Variants in S1PR4 observed in about 807,000 individuals in gnomAD.
The protein encoded by S1PR4 is sphingosine-1-phosphate receptor 4.
In S1PR4, 1 loss-of-function variant was observed where a neutral mutation model predicts 0.4. The ratio of observed to expected loss-of-function variants is 2.48; its 90% CI spans 0.88 to 11.76. The LOEUF (loss-of-function observed/expected upper bound fraction) is 11.76, where lower values mean the gene tolerates loss of function less well. Among genes scored for constraint, S1PR4 ranks in the 30% most tolerant of loss-of-function variants. S1PR4 has a pLI of 0.12. For synonymous variants in S1PR4, 296 were observed against 266.7 expected (o/e 1.11, Z -1.07); for missense variants, 595 against 557.8 (o/e 1.07, Z -0.67).
chr19:3,179,271 GC>G lies in S1PR4; in HGVS notation c.481del (p.Arg161AlafsTer50). 1 of 1,603,738 alleles carries G rather than the reference GC, an allele frequency of 6.2e-7. No homozygotes were observed. The highest frequency in any genetic ancestry group is 1.1e-5 in the South Asian group (1 of 89,738). On this transcript the variant is annotated frameshift_variant, in exon 1 of 1. Transcript: ENST00000246115. LOFTEE classifies it low-confidence loss of function (END_TRUNC). ...PVAESGATKTSRVYGFIGLCW... is the reference protein window; with the variant it reads ...PVAESGATKTXRVYGFIGLCW... The stretch of plus-strand genomic sequence containing the variant: ...GCCGAGAGCGGGGCCACCAAGACCA[GC>G]CGCGTCTACGGCTTCATCGGCCTCT...
Position 3,179,316 on chromosome 19 carries a change from T to G in S1PR4, c.524T>G (p.Leu175Arg). The G allele has an allele frequency of 6.2e-7, 1 of 1,612,008 alleles. No individual in the cohort carries two copies. Among genetic ancestry groups the G allele is most frequent in the Non-Finnish European group, 8.5e-7 (1 of 1,179,400 alleles). ...GGCCTCTGCTGGCTGCTGGCCGCGCTGCTGGGGATGCTGCCTTTGCTGGGC... is the reference window on the plus strand; with the variant it reads ...GGCCTCTGCTGGCTGCTGGCCGCGCGGCTGGGGATGCTGCCTTTGCTGGGC... ...FIGLCWLLAA[L>R]LGMLPLLGWN... Residue 175 changes from leucine to arginine, a missense_variant, in exon 1 of 1, where the codon CTG becomes CGG. Physicochemically the swap from Leu to Arg is moderately radical, Grantham distance 102. Coordinates refer to ENST00000246115, the MANE Select transcript of S1PR4 (RefSeq NM_003775.4).
chr19:3,179,244 T>C lies in S1PR4; in HGVS notation c.452T>C (p.Val151Ala). The C allele has an allele frequency of 1.9e-6, 3 of 1,598,598 alleles. No homozygotes were observed. Among genetic ancestry groups the C allele is most frequent in the Non-Finnish European group, 2.6e-6 (3 of 1,172,118 alleles). Residue 151 changes from valine to alanine, a missense_variant, in exon 1 of 1, where the codon GTG becomes GCG. By Grantham distance (64) the Val-to-Ala change is moderately conservative. Coordinates refer to ENST00000246115, the MANE Select transcript of S1PR4 (RefSeq NM_003775.4). ...GERFATMVRP[V>A]AESGATKTSR... ...CGCTTTGCCACCATGGTGCGGCCGG[T>C]GGCCGAGAGCGGGGCCACCAAGACC...
chr19:3,179,032 G>A lies in S1PR4; in HGVS notation c.240G>A (p.Trp80Ter). The part of the protein sequence containing the change: ...AITSHMRSRR[W>*]VYYCLVNITL... ...CCAGCCACATGCGGTCGCGACGCTGGGTCTACTATTGCCTGGTGAACATCA... is the reference window on the plus strand; with the variant it reads ...CCAGCCACATGCGGTCGCGACGCTGAGTCTACTATTGCCTGGTGAACATCA... The change falls in exon 1 of 1, where the codon TGG (tryptophan) becomes TGA (stop). Residue 80 changes from tryptophan (W) to a stop codon, truncating the protein, a stop_gained. Transcript: ENST00000246115. LOFTEE classifies it low-confidence loss of function (END_TRUNC). 6.2e-7 allele frequency: 1 copy of A among 1,605,244 alleles called. No homozygotes were observed. Among genetic ancestry groups the A allele is most frequent in the South Asian group, 1.1e-5 (1 of 90,784 alleles).
In S1PR4 at chr19:3,180,066, G is replaced by A. The variant is rs1376749845; in HGVS notation, c.*119G>A. 2.1e-5 allele frequency: 20 copies of A among 971,136 alleles called. No individual in the cohort carries two copies. In the Admixed American group the frequency reaches 5.5e-4, roughly 27 times the overall value. 60.2% of individuals were successfully genotyped at this position (971,136 alleles called of 1,614,324 possible). ...TGTATGGGGAGCAGGGAACGGGACA[G>A]GCCCCCATGGTCTTCCCGGTGGCCT... On this transcript the variant is annotated 3_prime_UTR_variant, in exon 1 of 1. Transcript: ENST00000246115.
In S1PR4 at chr19:3,178,847, G is replaced by T. The variant is rs575226710; in HGVS notation, c.55G>T (p.Gly19Cys). Residue 19 changes from glycine (G) to cysteine (C), a missense_variant, in exon 1 of 1, where the codon GGC (glycine) becomes TGC (cysteine). Physicochemically the swap from Gly to Cys is radical, Grantham distance 159. Transcript: ENST00000246115. ...CGAGTCCTGCCAACAGCTGGCGGCC[G>T]GCGGGCACAGCCGGCTCATTGTTCT... ...APESCQQLAA[G>C]GHSRLIVLHY... The T allele has an allele frequency of 1.3e-6, 2 of 1,534,800 alleles. No individual in the cohort carries two copies. Among genetic ancestry groups the T allele is most frequent in the African/African-American group, 1.4e-5 (1 of 71,532 alleles).
Position 3,179,907 on chromosome 19 carries a change from G to A in S1PR4, c.1115G>A (p.Arg372Gln), listed in dbSNP as rs754806689. ...RGSRSLSFRM[R>Q]EPLSSISSVR... ...TCCCGCTCGCTCAGCTTTCGGATGC[G>A]GGAGCCCCTGTCCAGCATCTCCAGC... The change falls in exon 1 of 1, where the codon CGG (arginine) becomes CAG (glutamine). Residue 372 changes from arginine (R) to glutamine (Q), a missense_variant. Arg to Gln is a conservative substitution (Grantham distance 43, BLOSUM62 1). Coordinates refer to ENST00000246115, the MANE Select transcript of S1PR4 (RefSeq NM_003775.4). The A allele has an allele frequency of 5.4e-5, 82 of 1,519,458 alleles. No individual in the cohort carries two copies. The highest frequency in any genetic ancestry group is 4.7e-4 in the Admixed American group (21 of 44,976). The allele number at this position is 1,519,458 out of a possible 1,614,324, so 94.1% of individuals were successfully genotyped here.
Position 3,178,792 on chromosome 19 carries a change from C to T in S1PR4, c.-1C>T, listed in dbSNP as rs1391378177. ...GCCTCAGTCAGCCCCCGGGGGAGGC[C>T]ATGAACGCCACGGGGACCCCGGTGG... On this transcript the variant is annotated 5_prime_UTR_variant, in exon 1 of 1. Transcript: ENST00000246115. The T allele has an allele frequency of 4.0e-6, 6 of 1,487,906 alleles. No homozygotes were observed. The highest frequency in any genetic ancestry group is 3.5e-6 in the Non-Finnish European group (4 of 1,129,810). 92.2% of individuals were successfully genotyped at this position (1,487,906 alleles called of 1,614,324 possible).
At position 3,180,229 on chromosome 19, in the gene S1PR4, C is replaced by T. The variant is rs1450766808; in HGVS notation, c.*282C>T. On this transcript the variant is annotated 3_prime_UTR_variant, in exon 1 of 1. Transcript: ENST00000246115. ...CCCACAACCCCGCTTCTGTGTGATT[C>T]TGGGGAAGTCCCGGCCCCTCTCTGG... 2 of 399,100 alleles carry T rather than the reference C, an allele frequency of 5.0e-6. No individual in the cohort carries two copies. The highest frequency in any genetic ancestry group is 9.2e-6 in the Non-Finnish European group (2 of 216,520). 24.7% of individuals were successfully genotyped at this position (399,100 alleles called of 1,614,324 possible).
At position 3,179,569 on chromosome 19, in the gene S1PR4, C is replaced by A. The variant is rs1302150115; in HGVS notation, c.777C>A (p.Ala259=). The A allele has an allele frequency of 1.2e-6, 2 of 1,613,144 alleles. No homozygotes were observed. The highest frequency in any genetic ancestry group is 1.7e-6 in the Non-Finnish European group (2 of 1,179,868). ...AGACGGTGCTGATGATCCTGCTGGCCTTCCTGGTGTGCTGGGGCCCACTCT... is the reference window on the plus strand; with the variant it reads ...AGACGGTGCTGATGATCCTGCTGGCATTCCTGGTGTGCTGGGGCCCACTCT... The part of the protein sequence containing the change: ...LLKTVLMILL[A]FLVCWGPLFG... Residue 259 remains alanine (A), a synonymous_variant, in exon 1 of 1, where the codon GCC becomes GCA. Transcript: ENST00000246115.
In S1PR4 at chr19:3,179,378, C is replaced by G. The variant is rs760609576; in HGVS notation, c.586C>G (p.Leu196Val). ...CLCAFDRCSS[L>V]LPLYSKRYIL... ...GTGCGCCTTTGACCGCTGCTCCAGCCTTCTGCCCCTCTACTCCAAGCGCTA... is the reference window on the plus strand; with the variant it reads ...GTGCGCCTTTGACCGCTGCTCCAGCGTTCTGCCCCTCTACTCCAAGCGCTA... The change falls in exon 1 of 1, where the codon CTT (leucine) becomes GTT (valine). Residue 196 changes from leucine to valine, a missense_variant. Transcript: ENST00000246115. 6.2e-7 allele frequency: 1 copy of G among 1,613,346 alleles called. No homozygotes were observed. Among genetic ancestry groups the G allele is most frequent in the East Asian group, 2.2e-5 (1 of 44,868 alleles).
chr19:3,179,609 G>C lies in S1PR4; in HGVS notation c.817G>C (p.Ala273Pro), dbSNP rs1396190197. ...CWGPLFGLLL[A>P]DVFGSNLWAQ... ...GGGCCCACTCTTCGGGCTGCTGCTG[G>C]CCGACGTCTTTGGCTCCAACCTCTG... is the stretch of plus-strand genomic sequence containing the variant. Residue 273 changes from alanine to proline, a missense_variant, in exon 1 of 1, where the codon GCC becomes CCC. Ala to Pro is a conservative substitution (Grantham distance 27). Coordinates refer to ENST00000246115, the MANE Select transcript of S1PR4 (RefSeq NM_003775.4). 1 of 1,613,178 alleles carries C rather than the reference G, an allele frequency of 6.2e-7. No homozygotes were observed. The highest frequency in any genetic ancestry group is 8.5e-7 in the Non-Finnish European group (1 of 1,179,824).
In S1PR4 at chr19:3,179,255, G is replaced by T. The variant is rs151055104; in HGVS notation, c.463G>T (p.Gly155Trp). The T allele has an allele frequency of 6.3e-7, 1 of 1,599,170 alleles. No homozygotes were observed. The highest frequency in any genetic ancestry group is 1.7e-5 in the Admixed American group (1 of 58,686). The change falls in exon 1 of 1, where the codon GGG becomes TGG. Residue 155 changes from glycine (G) to tryptophan (W), a missense_variant. Physicochemically the swap from Gly to Trp is radical, Grantham distance 184. Coordinates refer to ENST00000246115, the MANE Select transcript of S1PR4 (RefSeq NM_003775.4). Reference protein sequence around the residue: ...ATMVRPVAESGATKTSRVYGF... With the variant: ...ATMVRPVAESWATKTSRVYGF... ...CATGGTGCGGCCGGTGGCCGAGAGC[G>T]GGGCCACCAAGACCAGCCGCGTCTA...
chr19:3,179,176 C>T lies in S1PR4; in HGVS notation c.384C>T (p.Ala128=). Reference sequence around the variant, plus strand: ...TACGGGAGGGCCTGCTCTTCACCGCCCTGGCCGCCTCCACCTTCAGCCTGC... The same window carrying T: ...TACGGGAGGGCCTGCTCTTCACCGCTCTGGCCGCCTCCACCTTCAGCCTGC... ...WFLREGLLFT[A]LAASTFSLLF... Residue 128 remains alanine, a synonymous_variant, in exon 1 of 1, where the codon GCC becomes GCT. Transcript: ENST00000246115. The T allele has an allele frequency of 6.2e-7, 1 of 1,610,674 alleles. No individual in the cohort carries two copies. Among genetic ancestry groups the T allele is most frequent in the Non-Finnish European group, 8.5e-7 (1 of 1,178,608 alleles).
In S1PR4 at chr19:3,179,475, G is replaced by A. The variant is rs376279910; in HGVS notation, c.683G>A (p.Arg228His). The A allele has an allele frequency of 1.3e-4, 211 of 1,612,504 alleles. No homozygotes were observed. The highest frequency in any genetic ancestry group is 4.3e-4 in the Admixed American group (26 of 59,934). ...TIMGLYGAIF[R>H]LVQASGQKAP... ...ATGGGCCTCTATGGGGCCATCTTCC[G>A]CCTGGTGCAGGCCAGCGGGCAGAAG... is the stretch of plus-strand genomic sequence containing the variant. The change falls in exon 1 of 1, where the codon CGC becomes CAC. Residue 228 changes from arginine to histidine, a missense_variant. Physicochemically the swap from Arg to His is conservative, Grantham distance 29. Transcript: ENST00000246115.
chr19:3,179,386 C>T lies in S1PR4; in HGVS notation c.594C>T (p.Pro198=), dbSNP rs1915499221. The T allele has an allele frequency of 1.9e-6, 3 of 1,613,340 alleles. No homozygotes were observed. The highest frequency in any genetic ancestry group is 1.7e-5 in the Admixed American group (1 of 60,022). ...TTGACCGCTGCTCCAGCCTTCTGCCCCTCTACTCCAAGCGCTACATCCTCT... is the reference window on the plus strand; with the variant it reads ...TTGACCGCTGCTCCAGCCTTCTGCCTCTCTACTCCAAGCGCTACATCCTCT... ...CAFDRCSSLL[P]LYSKRYILFC... Residue 198 remains proline, a synonymous_variant, in exon 1 of 1, where the codon CCC becomes CCT. Transcript: ENST00000246115.
rs1192591409 is a variant in S1PR4 at position 3,178,862 on chromosome 19, C to T, written c.70C>T (p.Leu24Phe). 2 of 1,536,978 alleles carry T rather than the reference C, an allele frequency of 1.3e-6. No homozygotes were observed. Among genetic ancestry groups the T allele is most frequent in the Non-Finnish European group, 1.7e-6 (2 of 1,147,688 alleles). The change falls in exon 1 of 1, where the codon CTC (leucine) becomes TTC (phenylalanine). Residue 24 changes from leucine (L) to phenylalanine (F), a missense_variant. Coordinates refer to ENST00000246115, the MANE Select transcript of S1PR4 (RefSeq NM_003775.4). The part of the protein sequence containing the change: ...QQLAAGGHSR[L>F]IVLHYNHSGR... ...GCTGGCGGCCGGCGGGCACAGCCGG[C>T]TCATTGTTCTGCACTACAACCACTC...
chr19:3,179,614 C>G lies in S1PR4; in HGVS notation c.822C>G (p.Asp274Glu). 6.2e-7 allele frequency: 1 copy of G among 1,613,116 alleles called. No individual in the cohort carries two copies. Among genetic ancestry groups the G allele is most frequent in the South Asian group, 1.1e-5 (1 of 91,030 alleles). Residue 274 changes from aspartate (D) to glutamate (E), a missense_variant, in exon 1 of 1, where the codon GAC (aspartate) becomes GAG (glutamate). Transcript: ENST00000246115. Reference protein sequence around the residue: ...WGPLFGLLLADVFGSNLWAQE... With the variant: ...WGPLFGLLLAEVFGSNLWAQE... ...CACTCTTCGGGCTGCTGCTGGCCGA[C>G]GTCTTTGGCTCCAACCTCTGGGCCC...
rs34573539 is a variant in S1PR4, at chr19:3,179,077, G to C, written c.285G>C (p.Thr95=). Residue 95 remains threonine, a synonymous_variant, in exon 1 of 1, where the codon ACG becomes ACC. Transcript: ENST00000246115. ...LVNITLSDLL[T]GAAYLANVLL... is the part of the protein sequence containing the mutation. ...ACATCACGCTGAGTGACCTGCTCAC[G>C]GGCGCGGCCTACCTGGCCAACGTGC... The C allele has an allele frequency of 1.9e-6, 3 of 1,610,240 alleles. No individual in the cohort carries two copies. Among genetic ancestry groups the C allele is most frequent in the African/African-American group, 2.7e-5 (2 of 74,936 alleles).
chr19:3,180,028 A>AC lies in S1PR4; in HGVS notation c.*82dup. 1 of 1,347,718 alleles carries AC rather than the reference A, an allele frequency of 7.4e-7. No homozygotes were observed. The highest frequency in any genetic ancestry group is 1.0e-6 in the Non-Finnish European group (1 of 992,378). 83.5% of individuals were successfully genotyped at this position (1,347,718 alleles called of 1,614,324 possible). A position where few individuals can be genotyped will look rare whatever the true frequency, so the allele number is the denominator to read the frequency against. On this transcript the variant is annotated 3_prime_UTR_variant, in exon 1 of 1. Coordinates refer to ENST00000246115, the MANE Select transcript of S1PR4 (RefSeq NM_003775.4). ...TCCTGGGGTACAGGAAGCTGTGTGC[A>AC]CGCAGCCTCGCCTGTATGGGGAGCA...
Sources: gnomAD v4.1 joint callset for allele counts on GRCh38, gnomAD v4.1.1 for gene constraint, MANE v1.5 for transcripts, NCBI Gene and HGNC (gene_info 2026-07-23, HGNC 2026-07-21) for gene names.